The following CSMD3 variants were observed in gnomAD, a reference collection of about 807,000 sequenced individuals.
CSMD3 encodes the protein CUB and Sushi multiple domains 3.
A neutral mutation model predicts 435.2 loss-of-function variants in CSMD3; 177 were observed. That is an observed-to-expected ratio of 0.41 (90% CI 0.36 to 0.46). The LOEUF (loss-of-function observed/expected upper bound fraction) is 0.46. Among genes scored for constraint, CSMD3 ranks in the 20% least tolerant of loss-of-function variants. The pLI is 0.34. For synonymous variants in CSMD3, 1,656 were observed against 1,520.5 expected (o/e 1.09, Z -2.07); for missense variants, 4,265 against 4,504.6 (o/e 0.95, Z 1.52).
At chr8:112,822,415 T>C (rs968138357) in intron 12 of CSMD3, among the ~76,000 whole-genome samples, 19 of 152,154 alleles carry the variant, frequency 1.2e-4, no homozygotes, top group Non-Finnish European at 2.1e-4. Flanking sequence ...TTTGTAGCAA[T>C]TGTAAACTGG....
intron 32 of CSMD3, among the ~76,000 whole-genome samples, chr8:112,412,729 T>C (rs1811487396): frequency 6.6e-6 from 1 of 152,190 alleles, no homozygotes; most frequent in African/African-American, 2.4e-5. Context: ...CATTGTATTT[T>C]AGAATAGAGT....
chr8:112,776,015 C>G (rs1284717598), intron 13 of CSMD3, among the ~76,000 whole-genome samples: 1 of 151,538 alleles, frequency 6.6e-6, no homozygotes, highest in Non-Finnish European at 1.5e-5. Flanking sequence ...TAAAAGGTGC[C>G]CAAAAAAATG....
intron 45 of CSMD3, among the ~76,000 whole-genome samples, chr8:112,323,668 T>A (rs1028279325): frequency 3.3e-5 from 5 of 152,038 alleles, no homozygotes; most frequent in African/African-American, 1.2e-4. Context: ...GTACTTTGTT[T>A]CAGCAGCCCT....
At chr8:112,651,062 T>C (rs900688127) in intron 18 of CSMD3, among the ~76,000 whole-genome samples, 4 of 152,194 alleles carry the variant, frequency 2.6e-5, no homozygotes, top group East Asian at 1.9e-4. Context: ...GCCAGTAGCA[T>C]TTCTCCAATC....
chr8:112,225,577 C>T (rs536378721), intron 70 of CSMD3, among the ~76,000 whole-genome samples: 4 of 152,150 alleles, frequency 2.6e-5, no homozygotes, highest in East Asian at 1.9e-4. Context: ...AATTATAAGT[C>T]GGTTCCGCAC....
chr8:113,304,680 C>T lies in CSMD3; in HGVS notation c.401+9891G>A, dbSNP rs1304410837. On this transcript the variant is annotated intron_variant, in intron 2 of 70. Transcript: ENST00000297405. ...ATCACAAGAACAAAAAACCAAACAC[C>T]GCATATTCTCACTCATAGGTGGGAA... Among the ~76,000 whole-genome samples the T allele has an allele frequency of 3.7e-3, 488 of 131,066 alleles. 3 individuals carry two copies. The highest frequency in any genetic ancestry group is 4.9e-3 in the Non-Finnish European group (309 of 62,514). The allele number at this position is 131,066 out of a possible 152,430, so 86.0% of individuals were successfully genotyped here.
intron 22 of CSMD3, among the ~76,000 whole-genome samples, chr8:112,619,872 A>G (rs1165870870): frequency 6.6e-6 from 1 of 152,158 alleles, no homozygotes; most frequent in South Asian, 2.1e-4. Context: ...ATAGTGAGAC[A>G]TTAAGATATT....
intron 31 of CSMD3, among the ~76,000 whole-genome samples, chr8:112,482,765 T>G (rs1048142146): frequency 1.3e-5 from 2 of 152,240 alleles, no homozygotes; most frequent in Non-Finnish European, 2.9e-5. Context: ...AAAAGCGCTC[T>G]TTAATAATTT....
chr8:112,997,942 A>G (rs2085717219), intron 6 of CSMD3, among the ~76,000 whole-genome samples: 1 of 150,602 alleles, frequency 6.6e-6, no homozygotes, highest in Admixed American at 6.7e-5. Context: ...TTGCATTCAA[A>G]TTTTGCCTCT....
intron 13 of CSMD3, among the ~76,000 whole-genome samples, chr8:112,786,977 T>G (rs1198270078): frequency 1.3e-5 from 2 of 152,120 alleles, no homozygotes; most frequent in Non-Finnish European, 2.9e-5. Flanking sequence ...AGTGAGAACA[T>G]GCAGTGTTTG....
intron 31 of CSMD3, among the ~76,000 whole-genome samples, chr8:112,482,889 A>G (rs1408408217): frequency 1.3e-5 from 2 of 152,128 alleles, no homozygotes; most frequent in African/African-American, 2.4e-5. Flanking sequence ...GCAGTTTGTA[A>G]TTCTGTATTT....
intron 1 of CSMD3, among the ~76,000 whole-genome samples, chr8:113,325,082 G>A (rs1422517552): frequency 6.6e-6 from 1 of 152,194 alleles, no homozygotes; most frequent in East Asian, 1.9e-4. Context: ...ACTTGCTTTT[G>A]ATTTTACAAG....
At chr8:112,995,595 A>G (rs2085619762) in intron 6 of CSMD3, among the ~76,000 whole-genome samples, 1 of 151,430 alleles carries the variant, frequency 6.6e-6, no homozygotes, top group African/African-American at 2.4e-5. Context: ...GAAAAGTTTA[A>G]CTATTTAAGT....
chr8:113,014,882 T>C (rs557059364), intron 6 of CSMD3, among the ~76,000 whole-genome samples: 255 of 152,228 alleles, frequency 1.7e-3, no homozygotes, highest in Non-Finnish European at 2.1e-3. Context: ...AAAGAAGAAG[T>C]CTTAATACCT....
At chr8:112,605,918 A>C (rs1832756521) in intron 22 of CSMD3, among the ~76,000 whole-genome samples, 1 of 152,140 alleles carries the variant, frequency 6.6e-6, no homozygotes, top group Non-Finnish European at 1.5e-5. Context: ...CCTGCCCTTC[A>C]TTCTAATAAG....
At chr8:112,531,168 C>A (rs1825491986) in intron 27 of CSMD3, among the ~76,000 whole-genome samples, 1 of 152,208 alleles carries the variant, frequency 6.6e-6, no homozygotes, top group East Asian at 1.9e-4. Context: ...GAAACTAGTA[C>A]AGTGCCACCA....
intron 13 of CSMD3, among the ~76,000 whole-genome samples, chr8:112,764,462 T>A (rs181378216): frequency 9.2e-5 from 14 of 151,664 alleles, no homozygotes; most frequent in Non-Finnish European, 7.4e-5. Flanking sequence ...AGTCTAATTT[T>A]ACCACACCTT....
chr8:112,495,189 C>T (rs989637328), intron 30 of CSMD3, among the ~76,000 whole-genome samples: 38 of 152,222 alleles, frequency 2.5e-4, no homozygotes, highest in Admixed American at 5.2e-4. Flanking sequence ...AGCAGGAAAA[C>T]GCAATGTAAT....
At chr8:112,965,655 T>C (rs1259403618) in intron 7 of CSMD3, among the ~76,000 whole-genome samples, 1 of 151,936 alleles carries the variant, frequency 6.6e-6, no homozygotes. Context: ...TAAATTTTCA[T>C]TGTTTAATAT....
Sources: allele counts gnomAD v4.1 joint callset (sites outside exome capture counted in the v4.1 genomes callset), GRCh38; gene constraint gnomAD v4.1.1; transcripts MANE v1.5; gene names NCBI Gene and HGNC (gene_info 2026-07-23, HGNC 2026-07-21).